SPEF2: variants seen among roughly 807,000 people sequenced by gnomAD.
SPEF2 encodes the protein sperm flagella and cilia-associated protein 2.
SPEF2 carries 187 observed loss-of-function variants against 224.6 expected under a neutral mutation model. The observed-to-expected ratio is 0.83, with a 90% CI of 0.74 to 0.94. SPEF2 has a LOEUF of 0.94. Ranked by LOEUF, SPEF2 falls within the 40% of genes least tolerant of loss-of-function variation. The probability of loss-of-function intolerance (pLI) is 0.00; values close to 1 mark genes in which losing one functional copy is unlikely to be tolerated. For missense variants in SPEF2, 2,170 were observed against 2,135.6 expected (o/e 1.02, Z -0.32); for synonymous variants, 715 against 707.3 (o/e 1.01, Z -0.17).
rs756324430 is a variant in SPEF2 at position 35,773,965 on chromosome 5, A to G, written c.4022A>G (p.Lys1341Arg). The change falls in exon 28 of 37, where the codon AAA (lysine) becomes AGA (arginine). Residue 1341 changes from lysine (K) to arginine (R), a missense_variant. Lys to Arg is a conservative substitution (Grantham distance 26). Coordinates refer to ENST00000356031, the MANE Select transcript of SPEF2 (RefSeq NM_024867.4). ...TTEEIAEIKR[K>R]NELRVKIKEE... ...GAGGAAATTGCTGAAATCAAAAGGA[A>G]AAATGAACTGAGGGTCAAAATAAAA... 1.2e-5 allele frequency: 19 copies of G among 1,613,438 alleles called. No individual in the cohort carries two copies. The East Asian group carries it at 4.0e-4, about 34-fold the overall frequency.
chr5:35,769,434 A>C lies in SPEF2; in HGVS notation c.3802-2175A>C, dbSNP rs562555046. On this transcript the variant is annotated intron_variant, in intron 26 of 36. Transcript: ENST00000356031. ...AGAAAGAAAGAAAAAGACAAAAAAA[A>C]CCACAAAGAAATCTGCTTGCTCTCT... 2.2e-3 allele frequency among the ~76,000 whole-genome samples: 336 copies of C among 152,216 alleles called. 1 individual carries two copies. Among genetic ancestry groups the C allele is most frequent in the Non-Finnish European group, 4.1e-3 (279 of 68,006 alleles).
At chr5:35,793,928 G>A (rs935655709) in intron 32 of SPEF2, among the ~76,000 whole-genome samples, 1 of 152,154 alleles carries the variant, frequency 6.6e-6, no homozygotes, top group Non-Finnish European at 1.5e-5. Flanking sequence ...TCATGTAAGT[G>A]GTTATTGAAT....
At chr5:35,627,070 T>C (rs151000749) in intron 1 of SPEF2, among the ~76,000 whole-genome samples, 462 of 150,430 alleles carry the variant, frequency 3.1e-3, no homozygotes, top group Middle Eastern at 7.1e-3. Context: ...TGTTAAAATA[T>C]TATATTTAAT....
At chr5:35,787,172 A>C (rs1026444095) in intron 30 of SPEF2, among the ~76,000 whole-genome samples, 5 of 152,154 alleles carry the variant, frequency 3.3e-5, no homozygotes, top group African/African-American at 1.2e-4. Context: ...TGTCTCAAAA[A>C]TTAGACGTTT....
intron 10 of SPEF2, among the ~76,000 whole-genome samples, chr5:35,688,779 C>T (rs192458997): frequency 5.9e-5 from 9 of 152,246 alleles, no homozygotes; most frequent in Admixed American, 3.3e-4. Flanking sequence ...GATAATAATA[C>T]TTGTGTAAGA....
chr5:35,687,371 C>T (rs924798125), intron 10 of SPEF2, among the ~76,000 whole-genome samples: 2 of 151,930 alleles, frequency 1.3e-5, no homozygotes, highest in South Asian at 2.1e-4. Flanking sequence ...AAAGTGCTTT[C>T]GTAACTTACA....
intron 24 of SPEF2, among the ~76,000 whole-genome samples, chr5:35,755,973 AT>A (rs1750382919): frequency 6.6e-6 from 1 of 152,174 alleles, no homozygotes; most frequent in African/African-American, 2.4e-5. Context: ...AGGTGAAACA[AT>A]TTGCCCATCT....
chr5:35,770,757 G>A (rs73747964), intron 26 of SPEF2, among the ~76,000 whole-genome samples: 5,103 of 152,200 alleles, frequency 0.034, 254 homozygotes, highest in South Asian at 0.12. Flanking sequence ...TCCTGACCCC[G>A]TGGGTGGGAA....
Position 35,700,767 on chromosome 5 carries a change from T to G in SPEF2, c.2398+15T>G, listed in dbSNP as rs575701193. The G allele has an allele frequency of 4.8e-4, 776 of 1,607,350 alleles. 17 individuals carry two copies. In the South Asian group the frequency reaches 8.3e-3, roughly 17 times the overall value. On this transcript the variant is annotated intron_variant, in intron 16 of 36. Coordinates refer to ENST00000356031, the MANE Select transcript of SPEF2 (RefSeq NM_024867.4). ...TGATATTATAGGTAAGCTGGACACCTTTTTTGACACTCTTTTTACAATGAA... is the reference window on the plus strand; with the variant it reads ...TGATATTATAGGTAAGCTGGACACCGTTTTTGACACTCTTTTTACAATGAA...
At chr5:35,771,806 C>T (rs780610179) in intron 27 of SPEF2, 50 bp downstream of exon 27, 4 of 1,545,442 alleles carry the variant, frequency 2.6e-6, no homozygotes, top group East Asian at 2.3e-5. Context: ...ACCTCTCCTT[C>T]GTAGAAAACG....
In SPEF2 at chr5:35,705,528, T is replaced by C. The variant is rs1484229897; in HGVS notation, c.2508-123T>C. On this transcript the variant is annotated intron_variant, in intron 17 of 36. Transcript: ENST00000356031. ...AATCTAAAATAAATAACATTGTTTC[T>C]TTTTCAGATACAATTATATTGGCAG... 1.4e-4 allele frequency: 92 copies of C among 652,030 alleles called. 1 individual carries two copies. The East Asian group carries it at 3.1e-3, about 22-fold the overall frequency. The allele number at this position is 652,030 out of a possible 1,614,324, so 40.4% of individuals were successfully genotyped here.
chr5:35,779,332 A>G lies in SPEF2; in HGVS notation c.4433A>G (p.Asp1478Gly). 6.2e-7 allele frequency: 1 copy of G among 1,603,188 alleles called. No individual in the cohort carries two copies. Among genetic ancestry groups the G allele is most frequent in the South Asian group, 1.1e-5 (1 of 88,026 alleles). The change falls in exon 30 of 37, where the codon GAT (aspartate) becomes GGT (glycine). Residue 1478 changes from aspartate to glycine, a missense_variant. Asp to Gly is a moderately conservative substitution (Grantham distance 94). Transcript: ENST00000356031. ...GACAGTCTTCGAGATCAGTTCTTAG[A>G]TATGGCACCTAAAGGTAGGAAAAAT... ...QLDSLRDQFL[D>G]MAPKGIIGNK...
chr5:35,739,323 A>G (rs892515839), intron 21 of SPEF2, among the ~76,000 whole-genome samples: 2 of 152,146 alleles, frequency 1.3e-5, no homozygotes, highest in Non-Finnish European at 2.9e-5. Flanking sequence ...CTAAGGGAGA[A>G]CCTCAGAACC....
chr5:35,788,008 A>G (rs1755407653), intron 30 of SPEF2: 6 of 694,304 alleles, frequency 8.6e-6, no homozygotes, highest in Non-Finnish European at 1.6e-5. Flanking sequence ...ATGATGAGCT[A>G]TTAAATCTTA....
intron 33 of SPEF2, among the ~76,000 whole-genome samples, chr5:35,797,296 A>T (rs1370229058): frequency 6.8e-6 from 1 of 147,078 alleles, no homozygotes; most frequent in Non-Finnish European, 1.5e-5. Context: ...ACATGTTGTT[A>T]TGGAACAAAG....
chr5:35,628,238 T>C (rs1450235576), intron 1 of SPEF2, among the ~76,000 whole-genome samples: 1 of 152,242 alleles, frequency 6.6e-6, no homozygotes, highest in Non-Finnish European at 1.5e-5. Flanking sequence ...TTGTATTTCA[T>C]CAATTATTGA....
chr5:35,654,273 A>AT (rs1561139115), intron 6 of SPEF2, among the ~76,000 whole-genome samples: 2 of 151,600 alleles, frequency 1.3e-5, no homozygotes, highest in Non-Finnish European at 2.9e-5. Context: ...AAAAAAAAAA[A>AT]GGTGAAAGAA....
At chr5:35,695,587 G>T in intron 13 of SPEF2, 148 bp from the exon 14 acceptor site, 1 of 577,552 alleles carries the variant, frequency 1.7e-6, no homozygotes. Flanking sequence ...GCTATGCTGT[G>T]GTGATTCTAT....
chr5:35,788,498 C>A (rs893375211), intron 30 of SPEF2: 3 of 702,534 alleles, frequency 4.3e-6, no homozygotes, highest in Non-Finnish European at 5.2e-6. Flanking sequence ...AGAAGCCGAA[C>A]TTGTCTATGT....
Sources: gnomAD v4.1 joint callset for allele counts (sites outside exome capture counted in the v4.1 genomes callset) on GRCh38, gnomAD v4.1.1 for gene constraint, MANE v1.5 for transcripts, NCBI Gene and HGNC (gene_info 2026-07-23, HGNC 2026-07-21) for gene names.